DMD: variants seen among roughly 807,000 people sequenced by gnomAD.
The protein encoded by DMD is dystrophin.
A neutral mutation model predicts 330.1 loss-of-function variants in DMD; 63 were observed. That is an observed-to-expected ratio of 0.19 (90% confidence interval 0.16 to 0.24). DMD has a LOEUF of 0.24. DMD is among the 10% of genes least tolerant of loss of function. The pLI, the probability that DMD is intolerant of heterozygous loss-of-function variation, is 1.00. For missense variants in DMD, 3,344 were observed against 2,684.1 expected, an observed-to-expected ratio of 1.25 and a Z score of -5.43; for synonymous variants, 1,223 against 959.8, an observed-to-expected ratio of 1.27 and a Z score of -5.07.
chrX:31,476,015 C>T (rs998319179), intron 59 of DMD, among the ~76,000 whole-genome samples: 44 of 110,773 alleles, frequency 4.0e-4, no homozygotes, highest in Non-Finnish European at 7.0e-4. Context: ...CAGCATGATC[C>T]TTGCTCTTAG....
At chrX:32,986,913 C>T (rs767550854) in intron 2 of DMD, among the ~76,000 whole-genome samples, 3 of 112,442 alleles carry the variant, frequency 2.7e-5, no homozygotes, top group Non-Finnish European at 5.6e-5. Context: ...CATTTTATTA[C>T]AACCTTTCCC....
rs1357391979 is a variant in DMD, at chrX:33,005,620, A to AT, written c.93+14518dup. On this transcript the variant is annotated intron_variant, in intron 2 of 78. Coordinates refer to ENST00000357033, the MANE Select transcript of DMD (RefSeq NM_004006.3). ...TTTTATAAAACAAGGTCATGACAATATAAAAAAATGAACAAAAACACCTAT... is the reference window on the plus strand; with the variant it reads ...TTTTATAAAACAAGGTCATGACAATATTAAAAAAATGAACAAAAACACCTAT... 4.9e-5 allele frequency among the ~76,000 whole-genome samples: 4 copies of AT among 81,941 alleles called. No homozygotes were observed. The East Asian group carries it at 1.3e-3, about 27-fold the overall frequency. The allele number at this position is 81,941 out of a possible 115,157, so 71.2% of individuals were successfully genotyped here. A position where few individuals can be genotyped will look rare whatever the true frequency, so the allele number is the denominator to read the frequency against.
chrX:32,778,259 A>T (rs1245966490), intron 7 of DMD, among the ~76,000 whole-genome samples: 1 of 109,533 alleles, frequency 9.1e-6, no homozygotes, highest in African/African-American at 3.3e-5. Flanking sequence ...AAAAAAAAAA[A>T]AATATGGACT....
intron 41 of DMD, among the ~76,000 whole-genome samples, chrX:32,339,209 A>C (rs780307995): frequency 7.2e-5 from 8 of 111,493 alleles, no homozygotes; most frequent in African/African-American, 1.3e-4. Flanking sequence ...CAGCACTCAA[A>C]GTCACTGGGA....
At chrX:32,113,837 T>C (rs1051483051) in intron 44 of DMD, among the ~76,000 whole-genome samples, 2 of 111,912 alleles carry the variant, frequency 1.8e-5, no homozygotes, top group Non-Finnish European at 3.8e-5. Flanking sequence ...ACAAATTATA[T>C]TATTACAGGG....
intron 1 of DMD, among the ~76,000 whole-genome samples, chrX:33,075,680 A>G (rs979673438): frequency 8.9e-6 from 1 of 112,219 alleles, no homozygotes; most frequent in East Asian, 2.8e-4. Context: ...TCTTACGAAA[A>G]TGCATTCAGG....
chrX:31,816,930 T>C (rs16989830), intron 50 of DMD, among the ~76,000 whole-genome samples: 3,681 of 111,736 alleles, frequency 0.033, 159 homozygotes, highest in African/African-American at 0.11. Flanking sequence ...CAGCTGCATC[T>C]GTATCTGTAA....
At chrX:32,767,359 AG>A (rs2073108705) in intron 7 of DMD, among the ~76,000 whole-genome samples, 1 of 111,055 alleles carries the variant, frequency 9.0e-6, no homozygotes, top group Non-Finnish European at 1.9e-5. Flanking sequence ...TGAATTATTC[AG>A]GAAAAAAAAC....
At chrX:32,944,129 G>C (rs1168258160) in intron 2 of DMD, among the ~76,000 whole-genome samples, 1 of 111,481 alleles carries the variant, frequency 9.0e-6, no homozygotes, top group Non-Finnish European at 1.9e-5. Flanking sequence ...TTCTGTGTCT[G>C]GTTCATTTCA....
intron 60 of DMD, among the ~76,000 whole-genome samples, chrX:31,398,553 T>G (rs1415616211): frequency 8.9e-6 from 1 of 112,459 alleles, no homozygotes; most frequent in East Asian, 2.8e-4. Flanking sequence ...CCTCTCAAAG[T>G]GCTAGGATTA....
At position 32,396,320 on chromosome X, in the gene DMD, T is replaced by A. The variant is rs186067359; in HGVS notation, c.4234-6139A>T. Among the ~76,000 whole-genome samples, 532 of 111,622 alleles carry A rather than the reference T, an allele frequency of 4.8e-3. 3 individuals carry two copies. Among genetic ancestry groups the A allele is most frequent in the African/African-American group, 0.017 (516 of 30,805 alleles). On this transcript the variant is annotated intron_variant, in intron 30 of 78. Transcript: ENST00000357033. ...AGAAAGGTCGCCACCACTAAAATTA[T>A]TAACATTGAAAAAAATCATCATTGA...
rs775042972 is a variant in DMD, at chrX:33,246,829, G to A, written c.7+92430C>T. Among the ~76,000 whole-genome samples the A allele has an allele frequency of 3.6e-3, 401 of 110,090 alleles. 1 individual carries two copies. Among genetic ancestry groups the A allele is most frequent in the African/African-American group, 0.013 (384 of 30,197 alleles). ...GCCTCCTGAATAGCTGGGATTACAG[G>A]CGCACACCACCACCCCCAGCTAATT... On this transcript the variant is annotated intron_variant, in intron 1 of 17. Coordinates refer to the DMD transcript ENST00000288447.
intron 1 of DMD, among the ~76,000 whole-genome samples, chrX:33,293,081 T>C (rs1569559621): frequency 8.9e-6 from 1 of 111,746 alleles, no homozygotes; most frequent in Non-Finnish European, 1.9e-5. Context: ...TCACTCACTA[T>C]AGGTTATGTG....
intron 1 of DMD, among the ~76,000 whole-genome samples, chrX:33,190,779 G>A (rs1330997038): frequency 7.3e-5 from 1 of 13,665 alleles, no homozygotes; most frequent in African/African-American, 1.0e-4. Flanking sequence ...GAGCCACCGC[G>A]CCCAGCCTGA....
intron 2 of DMD, among the ~76,000 whole-genome samples, chrX:32,865,768 C>T (rs1002020694): frequency 8.9e-6 from 1 of 112,441 alleles, no homozygotes; most frequent in Non-Finnish European, 1.9e-5. Flanking sequence ...CCAATATTGG[C>T]ACTGTTTACC....
At chrX:33,134,503 A>G (rs1046398146) in intron 1 of DMD, among the ~76,000 whole-genome samples, 1 of 112,004 alleles carries the variant, frequency 8.9e-6, no homozygotes, top group Non-Finnish European at 1.9e-5. Context: ...AGATTATCTG[A>G]GAATTTCCTA....
chrX:33,296,997 A>G (rs1264742926), intron 1 of DMD, among the ~76,000 whole-genome samples: 1 of 111,344 alleles, frequency 9.0e-6, no homozygotes, highest in Non-Finnish European at 1.9e-5. Flanking sequence ...CTGAGATCCA[A>G]TACACTTACT....
In DMD at chrX:31,627,830, G is replaced by A. The variant is rs777445572; in HGVS notation, c.8060C>T (p.Thr2687Ile). Reference protein sequence around the residue: ...VSEREAALEETHRLLQQFPLD... With the variant: ...VSEREAALEEIHRLLQQFPLD... ...GGGGAACTGTTGCAGTAATCTATGA[G>A]TTTCTTCCAAAGCAGCCTCTCGCTC... The change falls in exon 55 of 79, where the codon ACT becomes ATT. Residue 2687 changes from threonine to isoleucine, a missense_variant. Coordinates refer to ENST00000357033, the MANE Select transcript of DMD (RefSeq NM_004006.3). 2 of 1,210,176 alleles carry A rather than the reference G, an allele frequency of 1.7e-6. No individual in the cohort carries two copies. The highest frequency in any genetic ancestry group is 2.2e-6 in the Non-Finnish European group (2 of 894,859).
chrX:32,781,295 A>T (rs1465871678), intron 7 of DMD, among the ~76,000 whole-genome samples: 1 of 111,253 alleles, frequency 9.0e-6, no homozygotes, highest in Non-Finnish European at 1.9e-5. Context: ...CTCCACTGGA[A>T]CATTAAGTGA....
Sources: gnomAD v4.1 joint callset for allele counts (sites outside exome capture counted in the v4.1 genomes callset) on GRCh38, gnomAD v4.1.1 for gene constraint, MANE v1.5 for transcripts, NCBI Gene and HGNC (gene_info 2026-07-23, HGNC 2026-07-21) for gene names.